The following LARP1B variants were observed in gnomAD, a reference collection of about 807,000 sequenced individuals.
LARP1B encodes La ribonucleoprotein 1B, also known as la-related protein 1B.
LARP1B carries 76 observed loss-of-function variants against 114.2 expected under a neutral mutation model. The ratio of observed to expected loss-of-function variants is 0.67; its 90% CI spans 0.55 to 0.81. The LOEUF (loss-of-function observed/expected upper bound fraction) is 0.81. Among genes scored for constraint, LARP1B ranks in the 30% least tolerant of loss-of-function variants. The probability of loss-of-function intolerance (pLI) is 0.00; values close to 1 mark genes in which losing one functional copy is unlikely to be tolerated. For synonymous variants in LARP1B, 345 were observed against 348.0 expected, an observed-to-expected ratio of 0.99 and a Z score of 0.10; for missense variants, 1,014 against 1,075.8, an observed-to-expected ratio of 0.94 and a Z score of 0.80.
At chr4:128,130,735 A>G (rs572456455) in intron 11 of LARP1B, among the ~76,000 whole-genome samples, 1 of 152,376 alleles carries the variant, frequency 6.6e-6, no homozygotes, top group African/African-American at 2.4e-5. Flanking sequence ...GTGGATGTTT[A>G]TAGCAGCTTA....
intron 12 of LARP1B, among the ~76,000 whole-genome samples, chr4:128,163,058 C>T (rs141459398): frequency 9.2e-5 from 14 of 152,126 alleles, no homozygotes; most frequent in African/African-American, 2.6e-4. Flanking sequence ...AATTCCTTAA[C>T]GTTAGATATC....
In LARP1B at chr4:128,082,300, C is replaced by A; in HGVS notation, c.353C>A (p.Thr118Lys). ...ACACATAACAATAGGAGAAATGATA[C>A]ACGAAGTAAGTTACCATTCTAAGAC... ...KPTHNNRRND[T>K]RSWKRDREKR... Residue 118 changes from threonine to lysine, a missense_variant, in exon 5 of 20, where the codon ACA (threonine) becomes AAA (lysine). By Grantham distance (78) the Thr-to-Lys change is moderately conservative. Coordinates refer to ENST00000326639, the MANE Select transcript of LARP1B (RefSeq NM_018078.4). The A allele has an allele frequency of 6.2e-7, 1 of 1,613,466 alleles. No individual in the cohort carries two copies. Among genetic ancestry groups the A allele is most frequent in the Non-Finnish European group, 8.5e-7 (1 of 1,179,624 alleles).
At chr4:128,081,650 G>A (rs1275505105) in intron 4 of LARP1B, among the ~76,000 whole-genome samples, 1 of 152,070 alleles carries the variant, frequency 6.6e-6, no homozygotes, top group Non-Finnish European at 1.5e-5. Context: ...TCTTTACAAG[G>A]TTTTTTCCTA....
intron 1 of LARP1B, among the ~76,000 whole-genome samples, chr4:128,073,444 A>G (rs112101800): frequency 0.56 from 57,168 of 101,808 alleles, 18,006 homozygotes; most frequent in Middle Eastern, 0.79. Flanking sequence ...AAAAAAAAAA[A>G]AAAGAAAGAA....
intron 10 of LARP1B, among the ~76,000 whole-genome samples, chr4:128,119,451 G>A (rs1267266706): frequency 6.6e-6 from 1 of 152,146 alleles, no homozygotes; most frequent in African/African-American, 2.4e-5. Context: ...GCCCTCTCTT[G>A]TCAAATCTTA....
intron 15 of LARP1B, among the ~76,000 whole-genome samples, chr4:128,194,136 G>C (rs868674953): frequency 2.0e-5 from 3 of 151,706 alleles, no homozygotes; most frequent in Non-Finnish European, 4.4e-5. Context: ...GCAATGGCAC[G>C]ATCTCAGCTC....
intron 15 of LARP1B, among the ~76,000 whole-genome samples, chr4:128,185,273 A>G (rs997137774): frequency 6.6e-6 from 1 of 152,144 alleles, no homozygotes; most frequent in African/African-American, 2.4e-5. Flanking sequence ...TAGTGGCTGT[A>G]CTAATTTACA....
chr4:128,166,606 CA>C (rs1740923191), intron 12 of LARP1B, among the ~76,000 whole-genome samples: 1 of 151,662 alleles, frequency 6.6e-6, no homozygotes, highest in Non-Finnish European at 1.5e-5. Flanking sequence ...TCTCTCTTAG[CA>C]AAAATACCAA....
At chr4:128,094,892 C>A (rs775305019) in intron 7 of LARP1B, among the ~76,000 whole-genome samples, 4 of 152,044 alleles carry the variant, frequency 2.6e-5, no homozygotes, top group Non-Finnish European at 5.9e-5. Flanking sequence ...GCTGGGATTA[C>A]AGGCACGCAA....
chr4:128,200,733 G>C, intron 17 of LARP1B, 68 bp downstream of exon 17: 1 of 1,164,750 alleles, frequency 8.6e-7, no homozygotes, highest in Non-Finnish European at 1.2e-6. Flanking sequence ...CTTTACCCAG[G>C]TAGATCCGAT....
chr4:128,123,696 CATT>C, intron 11 of LARP1B: 2 of 941,592 alleles, frequency 2.1e-6, no homozygotes, highest in Non-Finnish European at 2.5e-6. Context: ...ATGGAGTAAA[CATT>C]ATGCATTAAC....
At chr4:128,140,918 C>T (rs981742553) in intron 11 of LARP1B, among the ~76,000 whole-genome samples, 21 of 151,412 alleles carry the variant, frequency 1.4e-4, no homozygotes, top group Non-Finnish European at 1.8e-4. Flanking sequence ...CGGGTTCAAG[C>T]GATTCTGCTG....
chr4:128,155,331 C>T (rs1048268631), intron 11 of LARP1B: 2 of 526,164 alleles, frequency 3.8e-6, no homozygotes, highest in African/African-American at 1.9e-5. Flanking sequence ...TGGTCAAAAT[C>T]TGGAAAGAGA....
intron 11 of LARP1B, chr4:128,155,462 C>T (rs1735093687): frequency 1.1e-5 from 8 of 752,024 alleles, no homozygotes; most frequent in South Asian, 5.8e-5. Flanking sequence ...CGCAGCCCCC[C>T]GGCCGCAGTG....
At chr4:128,122,945 A>G in intron 11 of LARP1B, 1 of 984,634 alleles carries the variant, frequency 1.0e-6, no homozygotes, top group Non-Finnish European at 1.2e-6. Context: ...GTTTATCAGA[A>G]AAGCCCCAAT....
chr4:128,176,541 G>A lies in LARP1B; in HGVS notation c.1649-331G>A, dbSNP rs551106514. ...GCTGCTGACCTCATGTGATCTACCC[G>A]CCTCGGCCTCCCAAAGTGCTGGGAT... is the stretch of plus-strand genomic sequence containing the variant. On this transcript the variant is annotated intron_variant, in intron 12 of 19. Coordinates refer to ENST00000326639, the MANE Select transcript of LARP1B (RefSeq NM_018078.4). Among the ~76,000 whole-genome samples, 198 of 151,998 alleles carry A rather than the reference G, an allele frequency of 1.3e-3. 1 individual carries two copies. Among genetic ancestry groups the A allele is most frequent in the Middle Eastern group, 3.4e-3 (1 of 294 alleles).
At chr4:128,170,024 A>G (rs1165408751) in intron 12 of LARP1B, among the ~76,000 whole-genome samples, 1 of 152,114 alleles carries the variant, frequency 6.6e-6, no homozygotes, top group Non-Finnish European at 1.5e-5. Flanking sequence ...TATTCTTTTC[A>G]AAACATTTTC....
intron 11 of LARP1B, among the ~76,000 whole-genome samples, chr4:128,144,588 G>A (rs933554809): frequency 3.3e-5 from 5 of 151,870 alleles, no homozygotes; most frequent in Admixed American, 3.3e-4. Context: ...TCCCACATCA[G>A]CCTCCTGAGT....
intron 11 of LARP1B, among the ~76,000 whole-genome samples, chr4:128,134,930 C>T (rs1393080256): frequency 6.6e-6 from 1 of 151,934 alleles, no homozygotes; most frequent in Non-Finnish European, 1.5e-5. Flanking sequence ...CATGGCGAAA[C>T]TCCATCTCTA....
Sources: allele counts gnomAD v4.1 joint callset (sites outside exome capture counted in the v4.1 genomes callset), GRCh38; gene constraint gnomAD v4.1.1; transcripts MANE v1.5; gene names NCBI Gene and HGNC (gene_info 2026-07-23, HGNC 2026-07-21).